KLRG1: variants seen among roughly 807,000 people sequenced by gnomAD.
The protein encoded by KLRG1 is killer cell lectin-like receptor subfamily G member 1.
In KLRG1, 16 loss-of-function variants were observed where a neutral mutation model predicts 21.8. That is an observed-to-expected ratio of 0.73 (90% CI 0.50 to 1.11). The LOEUF (loss-of-function observed/expected upper bound fraction) is 1.11, where lower values mean the gene tolerates loss of function less well. Among genes scored for constraint, KLRG1 ranks in the 50% most tolerant of loss-of-function variants. KLRG1 has a pLI of 0.00. For synonymous variants in KLRG1, 69 were observed against 75.9 expected (o/e 0.91, Z 0.47); for missense variants, 173 against 218.3 (o/e 0.79, Z 1.31).
chr12:9,114,547 A>G, the KLRG1 span, among the ~76,000 whole-genome samples: 1 of 152,094 alleles, frequency 6.6e-6, no homozygotes, highest in Non-Finnish European at 1.5e-5. Context: ...GATATTTAAT[A>G]TCTTTCTCTT....
the KLRG1 span, chr12:9,077,274 T>C: frequency 6.6e-6 from 9 of 1,369,584 alleles, no homozygotes; most frequent in Non-Finnish European, 7.2e-6. Context: ...TAGGATAGTA[T>C]TTCAGACAGC....
At chr12:9,188,001 G>A in the KLRG1 span, among the ~76,000 whole-genome samples, 29 of 152,370 alleles carry the variant, frequency 1.9e-4, no homozygotes, top group African/African-American at 4.1e-4. Context: ...GCCCCCATGA[G>A]GAGAAGTGGG....
At chr12:9,023,732 A>T in the KLRG1 span, among the ~76,000 whole-genome samples, 3 of 150,430 alleles carry the variant, frequency 2.0e-5, no homozygotes, top group African/African-American at 4.9e-5. Context: ...ATTAAAAAAA[A>T]TTTTGTAGAG....
chr12:9,121,579 A>G, the KLRG1 span, among the ~76,000 whole-genome samples: 1 of 152,338 alleles, frequency 6.6e-6, no homozygotes. This position sits in a 1 kb window ranked among gnomAD's most constrained non-coding sequence, Gnocchi z 4.4. Context: ...AAAGAAAGAA[A>G]GAAAGCGTTT....
chr12:9,160,250 CTG>C, the KLRG1 span: 1 of 1,431,122 alleles, frequency 7.0e-7, no homozygotes, highest in Non-Finnish European at 9.6e-7. Context: ...GATGATATAA[CTG>C]AAGCTTAATT....
At chr12:9,211,146 C>T in the KLRG1 span, among the ~76,000 whole-genome samples, 1 of 152,298 alleles carries the variant, frequency 6.6e-6, no homozygotes, top group Non-Finnish European at 1.5e-5. Flanking sequence ...GCCACCAATA[C>T]TCTAGCTTTT....
At chr12:9,086,820 T>C in the KLRG1 span, among the ~76,000 whole-genome samples, 1 of 152,146 alleles carries the variant, frequency 6.6e-6, no homozygotes, top group Non-Finnish European at 1.5e-5. Context: ...ATGAAAAATA[T>C]CCAAATTGAC....
At chr12:9,072,769 A>C in the KLRG1 span, 1 of 1,614,090 alleles carries the variant, frequency 6.2e-7, no homozygotes, top group Non-Finnish European at 8.5e-7. Context: ...AATTTGCTGG[A>C]AAATGTCCCT....
chr12:9,201,007 G>T, the KLRG1 span: 3 of 1,614,068 alleles, frequency 1.9e-6, no homozygotes, highest in African/African-American at 2.7e-5. Flanking sequence ...ACTGATTGAT[G>T]CCAGCTTCTA....
chr12:9,060,060 A>C, the KLRG1 span, among the ~76,000 whole-genome samples: 1 of 124,480 alleles, frequency 8.0e-6, no homozygotes, highest in Non-Finnish European at 1.6e-5. Flanking sequence ...GCTGGAGTGC[A>C]GTGGCGTGAT....
At chr12:8,999,777 G>A (rs1219775762) in intron 3 of KLRG1, among the ~76,000 whole-genome samples, 3 of 152,126 alleles carry the variant, frequency 2.0e-5, no homozygotes, top group African/African-American at 4.8e-5. Flanking sequence ...GGTGGCTCAC[G>A]CCTGTAATCC....
In KLRG1 at chr12:9,007,385, C is replaced by T. The variant is rs190447381; in HGVS notation, c.358-1590C>T. 2.1e-3 allele frequency among the ~76,000 whole-genome samples: 322 copies of T among 152,258 alleles called. 1 individual carries two copies. Among genetic ancestry groups the T allele is most frequent in the Non-Finnish European group, 3.7e-3 (251 of 68,002 alleles). On this transcript the variant is annotated intron_variant, in intron 3 of 4. Coordinates refer to ENST00000356986, the MANE Select transcript of KLRG1 (RefSeq NM_005810.4). ...AAGCGATTCTCATGCCTCAGTCTCC[C>T]AAGTAGCTGGGATTACAGGTGCCCG...
At chr12:9,176,266 A>G in the KLRG1 span, among the ~76,000 whole-genome samples, 5 of 152,114 alleles carry the variant, frequency 3.3e-5, no homozygotes, top group East Asian at 7.7e-4. Flanking sequence ...ATGAGAATAC[A>G]TGGGGGAACA....
chr12:9,151,192 C>T, the KLRG1 span, among the ~76,000 whole-genome samples: 1 of 152,110 alleles, frequency 6.6e-6, no homozygotes, highest in African/African-American at 2.4e-5. Flanking sequence ...TATCATTAGG[C>T]AACCACTGGG....
the KLRG1 span, chr12:9,152,846 A>G: frequency 6.2e-7 from 1 of 1,614,118 alleles, no homozygotes; most frequent in Non-Finnish European, 8.5e-7. Flanking sequence ...GAGATCTGAA[A>G]GCTGGTGTGG....
chr12:9,072,512 G>GT, the KLRG1 span: 1 of 1,604,428 alleles, frequency 6.2e-7, no homozygotes, highest in Non-Finnish European at 8.5e-7. Flanking sequence ...GACAAAATCA[G>GT]TTTTTTGCCC....
chr12:9,153,119 C>T, the KLRG1 span: 28 of 1,613,544 alleles, frequency 1.7e-5, no homozygotes, highest in Non-Finnish European at 2.4e-5. Flanking sequence ...AAGCTTGGAG[C>T]CCTACCTGAA....
intron 1 of KLRG1, among the ~76,000 whole-genome samples, chr12:8,991,694 C>T (rs191067092): frequency 3.3e-5 from 5 of 152,004 alleles, no homozygotes; most frequent in African/African-American, 1.2e-4. Flanking sequence ...GCTATATATT[C>T]ACTTTATGGA....
the KLRG1 span, chr12:9,072,630 C>T: frequency 2.5e-6 from 4 of 1,612,468 alleles, no homozygotes; most frequent in Admixed American, 3.3e-5. Flanking sequence ...TCTGTCCTGT[C>T]CTCACCTGCC....
Sources: allele counts gnomAD v4.1 joint callset (sites outside exome capture counted in the v4.1 genomes callset), GRCh38; gene constraint gnomAD v4.1.1; non-coding constraint Gnocchi (gnomAD v3.1); transcripts MANE v1.5; gene names NCBI Gene and HGNC (gene_info 2026-07-23, HGNC 2026-07-21).